KCNN2: variants seen among roughly 807,000 people sequenced by gnomAD.
The protein encoded by KCNN2 is small conductance calcium-activated potassium channel protein 2.
A neutral mutation model predicts 55.5 loss-of-function variants in KCNN2; 24 were observed. That is an observed-to-expected ratio of 0.43 (90% CI 0.31 to 0.61). KCNN2 has a LOEUF of 0.61. Among genes scored for constraint, KCNN2 ranks in the 20% least tolerant of loss-of-function variants. The probability of loss-of-function intolerance (pLI) is 0.08; values close to 1 mark genes in which losing one functional copy is unlikely to be tolerated. For synonymous variants in KCNN2, 431 were observed against 336.1 expected, an observed-to-expected ratio of 1.28 and a Z score of -3.09; for missense variants, 754 against 853.6, an observed-to-expected ratio of 0.88 and a Z score of 1.45.
At chr5:114,452,465 C>T (rs1760735185) in intron 3 of KCNN2, among the ~76,000 whole-genome samples, 1 of 152,188 alleles carries the variant, frequency 6.6e-6, no homozygotes, top group South Asian at 2.1e-4. Flanking sequence ...TTTTAAGCTT[C>T]TCATGAATGC....
chr5:114,274,919 T>G (rs1298022363), intron 2 of KCNN2, among the ~76,000 whole-genome samples: 1 of 152,178 alleles, frequency 6.6e-6, no homozygotes, highest in African/African-American at 2.4e-5. Context: ...ATGCCGGTTT[T>G]CAAAGGGAAT....
At chr5:114,256,023 C>A (rs758405712) in intron 2 of KCNN2, among the ~76,000 whole-genome samples, 3 of 151,996 alleles carry the variant, frequency 2.0e-5, no homozygotes, top group African/African-American at 4.8e-5. Context: ...TTCTGAGTCT[C>A]CAGTGTCTAT....
chr5:114,468,084 G>A (rs1347803999), intron 4 of KCNN2, among the ~76,000 whole-genome samples: 1 of 152,126 alleles, frequency 6.6e-6, no homozygotes, highest in Non-Finnish European at 1.5e-5. Flanking sequence ...TTCTTACAAT[G>A]AGGACATTTG....
chr5:114,059,839 C>T (rs1037157134), intron 1 of KCNN2, among the ~76,000 whole-genome samples: 6 of 151,998 alleles, frequency 3.9e-5, no homozygotes, highest in East Asian at 1.9e-4. Context: ...AGGGTCACAA[C>T]TAAGAATATG....
At chr5:114,441,020 C>T (rs938890095) in intron 3 of KCNN2, among the ~76,000 whole-genome samples, 1 of 151,852 alleles carries the variant, frequency 6.6e-6, no homozygotes, top group Non-Finnish European at 1.5e-5. Context: ...CAACTACTTA[C>T]CAAAATGAGT....
intron 1 of KCNN2, among the ~76,000 whole-genome samples, chr5:114,135,910 G>T (rs971866830): frequency 7.2e-5 from 11 of 152,064 alleles, no homozygotes; most frequent in African/African-American, 2.4e-4. Context: ...GGAGATAAAA[G>T]AAATGTAAGT....
chr5:114,355,723 A>G (rs1038774249), intron 2 of KCNN2, among the ~76,000 whole-genome samples: 7 of 152,152 alleles, frequency 4.6e-5, no homozygotes, highest in Non-Finnish European at 8.8e-5. Context: ...CTGCAGGGTG[A>G]AGAATTTGAG....
intron 3 of KCNN2, among the ~76,000 whole-genome samples, chr5:114,426,549 G>T (rs1305448627): frequency 6.6e-6 from 1 of 152,120 alleles, no homozygotes; most frequent in Non-Finnish European, 1.5e-5. Context: ...TAAAGTATTT[G>T]TGAAGAGTGA....
intron 1 of KCNN2, among the ~76,000 whole-genome samples, chr5:114,183,336 A>C (rs1270022154): frequency 6.6e-6 from 1 of 152,006 alleles, no homozygotes; most frequent in African/African-American, 2.4e-5. Flanking sequence ...TAAATTTGTC[A>C]TTTTTTAATA....
intron 1 of KCNN2, among the ~76,000 whole-genome samples, chr5:114,133,569 G>A (rs917046644): frequency 2.6e-5 from 4 of 152,098 alleles, no homozygotes; most frequent in African/African-American, 9.7e-5. Context: ...TGGGAGCATT[G>A]TTTTTTGGGA....
At chr5:114,449,908 A>ACACACACGCGCGCGCGCG (rs1309590184) in intron 3 of KCNN2, among the ~76,000 whole-genome samples, 1 of 66,120 alleles carries the variant, frequency 1.5e-5, no homozygotes, top group African/African-American at 3.5e-5. Flanking sequence ...ACACACACAC[A>ACACACACGCGCGCGCGCG]CGCGCGCGCT....
At chr5:114,184,235 T>C (rs2112556251) in intron 1 of KCNN2, among the ~76,000 whole-genome samples, 1 of 152,324 alleles carries the variant, frequency 6.6e-6, no homozygotes, top group Non-Finnish European at 1.5e-5. Context: ...AAATCAGTGC[T>C]GCAAGTGATT....
intron 1 of KCNN2, among the ~76,000 whole-genome samples, chr5:114,167,938 C>T (rs1372832942): frequency 1.3e-5 from 2 of 152,006 alleles, no homozygotes; most frequent in African/African-American, 4.8e-5. Context: ...CTTACCTGGG[C>T]TCTTTTATTT....
chr5:114,421,776 A>G (rs1759478647), intron 3 of KCNN2, among the ~76,000 whole-genome samples: 1 of 151,662 alleles, frequency 6.6e-6, no homozygotes, highest in Non-Finnish European at 1.5e-5. Flanking sequence ...TGCCCAGCTA[A>G]TTTTTGTATT....
chr5:114,277,869 T>A (rs1245631561), intron 2 of KCNN2, among the ~76,000 whole-genome samples: 1 of 152,188 alleles, frequency 6.6e-6, no homozygotes, highest in Non-Finnish European at 1.5e-5. Context: ...TCCATCCAGT[T>A]TTGTTCCCTT....
chr5:114,362,796 CG>C lies in KCNN2; in HGVS notation c.662del (p.Gly221AlafsTer9). On this transcript the variant is annotated frameshift_variant, in exon 1 of 8. Transcript: ENST00000673685. LOFTEE classifies it high-confidence loss of function. ...EIAMSSCRYNGGVMRPLSNLS... is the reference protein window; with the variant it reads ...EIAMSSCRYNXGVMRPLSNLS... ...TAGCCATGAGCAGCTGCAGGTACAA[CG>C]GGGGCGTCATGCGGCCGCTCAGCAA... 4 of 1,595,596 alleles carry C rather than the reference CG, an allele frequency of 2.5e-6. No homozygotes were observed.
Position 114,363,983 on chromosome 5 carries a change from C to G in KCNN2, c.1200C>G (p.Tyr400Ter), listed in dbSNP as rs1286321495. ...TCCTGCTCGGTCTGATCATCGTGTA[C>G]CACGCCAGGGAAATACAGGTAACTT... is the stretch of plus-strand genomic sequence containing the variant. ...TIILLGLIIVYHAREIQLFMV... is the reference protein window; with the variant it reads ...TIILLGLIIV The change falls in exon 2 of 8, where the codon TAC becomes TAG. Residue 400 changes from tyrosine to a stop codon, truncating the protein, a stop_gained. Transcript: ENST00000673685. LOFTEE classifies it high-confidence loss of function. 1 of 1,613,466 alleles carries G rather than the reference C, an allele frequency of 6.2e-7. No individual in the cohort carries two copies. The highest frequency in any genetic ancestry group is 8.5e-7 in the Non-Finnish European group (1 of 1,179,490).
chr5:114,103,306 C>A (rs978522480), intron 1 of KCNN2, among the ~76,000 whole-genome samples: 12 of 152,144 alleles, frequency 7.9e-5, no homozygotes, highest in Non-Finnish European at 2.9e-5. Flanking sequence ...AGTTGCTTAT[C>A]GGCTTAAGAA....
intron 1 of KCNN2, among the ~76,000 whole-genome samples, chr5:114,095,687 C>A (rs531033396): frequency 3.2e-4 from 48 of 152,298 alleles, no homozygotes; most frequent in African/African-American, 1.1e-3. Flanking sequence ...CTGCTTAGTA[C>A]AGCAGGCTTC....
Sources: gnomAD v4.1 joint callset for allele counts (sites outside exome capture counted in the v4.1 genomes callset) on GRCh38, gnomAD v4.1.1 for gene constraint, MANE v1.5 for transcripts, NCBI Gene and HGNC (gene_info 2026-07-23, HGNC 2026-07-21) for gene names.